ADAMTSL3: variants seen among roughly 807,000 people sequenced by gnomAD.
ADAMTSL3 encodes ADAMTS like 3, also known as ADAMTS-like protein 3.
ADAMTSL3 carries 128 observed loss-of-function variants against 201.7 expected under a neutral mutation model. That is an observed-to-expected ratio of 0.63 (90% CI 0.55 to 0.73). The LOEUF is 0.73. Ranked by LOEUF, ADAMTSL3 falls within the 30% of genes least tolerant of loss-of-function variation. The probability of loss-of-function intolerance (pLI) is 0.00; values close to 1 mark genes in which losing one functional copy is unlikely to be tolerated. For synonymous variants in ADAMTSL3, 738 were observed against 748.4 expected, an observed-to-expected ratio of 0.99 and a Z score of 0.23; for missense variants, 1,990 against 2,119.6, an observed-to-expected ratio of 0.94 and a Z score of 1.20.
At chr15:83,996,651 G>A (rs1416641582) in intron 23 of ADAMTSL3, among the ~76,000 whole-genome samples, 1 of 151,504 alleles carries the variant, frequency 6.6e-6, no homozygotes, top group Non-Finnish European at 1.5e-5. Flanking sequence ...CGTGGTGGTG[G>A]GTGCCTGTAG....
At chr15:83,721,729 TTTTG>T (rs541348641) in intron 3 of ADAMTSL3, among the ~76,000 whole-genome samples, 11 of 152,110 alleles carry the variant, frequency 7.2e-5, no homozygotes, top group Admixed American at 5.9e-4. Flanking sequence ...TATTTATGTG[TTTTG>T]TTTGTTTGTT....
At chr15:83,762,083 G>A (rs559168381) in intron 3 of ADAMTSL3, among the ~76,000 whole-genome samples, 8 of 151,024 alleles carry the variant, frequency 5.3e-5, no homozygotes, top group South Asian at 4.2e-4. Context: ...ATGGAGTCTC[G>A]CTCTATCACC....
intron 8 of ADAMTSL3, chr15:83,861,619 C>T (rs2064863460): frequency 6.6e-6 from 1 of 152,330 alleles, no homozygotes; most frequent in Non-Finnish European, 1.5e-5. Flanking sequence ...AAAACCCCAT[C>T]TGTACGTCAC....
intron 3 of ADAMTSL3, among the ~76,000 whole-genome samples, chr15:83,725,264 A>G (rs2062156672): frequency 6.6e-6 from 1 of 151,454 alleles, no homozygotes; most frequent in Admixed American, 6.6e-5. Flanking sequence ...GAGTGAGATG[A>G]TATCTCATTG....
intron 2 of ADAMTSL3, among the ~76,000 whole-genome samples, chr15:83,681,950 A>G (rs1041260686): frequency 3.3e-5 from 5 of 152,174 alleles, no homozygotes; most frequent in Admixed American, 2.0e-4. Context: ...ATTTGATCCT[A>G]CCTGTACTTG....
intron 2 of ADAMTSL3, among the ~76,000 whole-genome samples, chr15:83,684,030 G>A (rs79446674): frequency 6.6e-6 from 1 of 152,184 alleles, no homozygotes; most frequent in Non-Finnish European, 1.5e-5. Context: ...CTTCACGTTG[G>A]TATTCCAACC....
chr15:83,956,288 G>A (rs1249832860), intron 19 of ADAMTSL3, among the ~76,000 whole-genome samples: 1 of 152,200 alleles, frequency 6.6e-6, no homozygotes, highest in Non-Finnish European at 1.5e-5. Context: ...CACTGCCAGG[G>A]AATGGGGAAG....
chr15:83,678,389 T>C (rs1467269411), intron 2 of ADAMTSL3, among the ~76,000 whole-genome samples: 1 of 145,270 alleles, frequency 6.9e-6, no homozygotes, highest in Non-Finnish European at 1.5e-5. Context: ...CAGAAGGATA[T>C]TTTTGCTGGA....
intron 3 of ADAMTSL3, among the ~76,000 whole-genome samples, chr15:83,769,901 A>G (rs753946759): frequency 4.0e-5 from 6 of 151,730 alleles, no homozygotes; most frequent in Admixed American, 1.3e-4. Flanking sequence ...TTTCTTTCAT[A>G]AACTTTGCTG....
chr15:83,955,885 G>A (rs1414057710), intron 19 of ADAMTSL3, among the ~76,000 whole-genome samples: 1 of 152,096 alleles, frequency 6.6e-6, no homozygotes, highest in Non-Finnish European at 1.5e-5. Context: ...GCTTGGGGTT[G>A]AGGGAGGGGT....
intron 23 of ADAMTSL3, among the ~76,000 whole-genome samples, chr15:83,994,564 G>A (rs1290077459): frequency 4.9e-5 from 4 of 80,950 alleles, no homozygotes; most frequent in African/African-American, 1.7e-4. Flanking sequence ...TTGTTGGTTT[G>A]TTTCTGTTTT....
At position 83,773,600 on chromosome 15, in the gene ADAMTSL3, G is replaced by A. The variant is rs2063022179; in HGVS notation, c.267G>A (p.Arg89=). The A allele has an allele frequency of 6.2e-7, 1 of 1,613,398 alleles. No homozygotes were observed. Among genetic ancestry groups the A allele is most frequent in the Non-Finnish European group, 8.5e-7 (1 of 1,179,832 alleles). Residue 89 remains arginine (R), a synonymous_variant, in exon 4 of 30, where the codon CGG becomes CGA. Coordinates refer to ENST00000286744, the MANE Select transcript of ADAMTSL3 (RefSeq NM_207517.3). Reference sequence around the variant, plus strand: ...GGGGCGACTGGAGTGACTGCTCCCGGACCTGTGGGGGAGGAGCATCATATT... The same window carrying A: ...GGGGCGACTGGAGTGACTGCTCCCGAACCTGTGGGGGAGGAGCATCATATT... ...DAWGDWSDCS[R]TCGGGASYSL...
intron 22 of ADAMTSL3, 58 bp from the exon 23 acceptor site, chr15:83,991,028 T>C: frequency 1.2e-6 from 2 of 1,608,738 alleles, no homozygotes; most frequent in Non-Finnish European, 1.7e-6. Flanking sequence ...ATGCAATATG[T>C]TTTACCAAAG....
chr15:83,816,779 G>T (rs1195709145), intron 5 of ADAMTSL3, among the ~76,000 whole-genome samples: 1 of 152,206 alleles, frequency 6.6e-6, no homozygotes, highest in East Asian at 1.9e-4. Flanking sequence ...GCCAAGGCAG[G>T]CAGATTGCCT....
At chr15:83,963,859 G>C (rs2067025110) in intron 19 of ADAMTSL3, among the ~76,000 whole-genome samples, 1 of 152,178 alleles carries the variant, frequency 6.6e-6, no homozygotes, top group South Asian at 2.1e-4. Context: ...GTGATACTCA[G>C]GCAAACCAGG....
chr15:83,889,286 A>T lies in ADAMTSL3; in HGVS notation c.1073-823A>T, dbSNP rs541758434. Among the ~76,000 whole-genome samples the T allele has an allele frequency of 2.0e-5, 3 of 152,284 alleles. No individual in the cohort carries two copies. The East Asian group carries it at 5.8e-4, about 29-fold the overall frequency. On this transcript the variant is annotated intron_variant, in intron 10 of 29. Transcript: ENST00000286744. ...TTCCTTTCTGTATAGACAATGCTTA[A>T]TTCCCCATTTGGAAAGCTTATTGGT... is the stretch of plus-strand genomic sequence containing the variant.
chr15:83,887,660 G>A (rs2065422569), intron 10 of ADAMTSL3, among the ~76,000 whole-genome samples: 1 of 152,114 alleles, frequency 6.6e-6, no homozygotes, highest in Non-Finnish European at 1.5e-5. Context: ...TCACCAAGTT[G>A]CCCAGGCTAG....
intron 19 of ADAMTSL3, chr15:83,946,000 G>A (rs1217141006): frequency 6.6e-6 from 1 of 152,354 alleles, no homozygotes; most frequent in Non-Finnish European, 1.5e-5. Flanking sequence ...CCTAAAGGGA[G>A]GAGGCAAGAA....
chr15:83,901,099 C>G (rs9921007), intron 15 of ADAMTSL3, among the ~76,000 whole-genome samples: 2 of 151,962 alleles, frequency 1.3e-5, no homozygotes, highest in Non-Finnish European at 2.9e-5. Flanking sequence ...GCACATCACA[C>G]TCATGACAGG....
Sources: allele counts gnomAD v4.1 joint callset (sites outside exome capture counted in the v4.1 genomes callset), GRCh38; gene constraint gnomAD v4.1.1; transcripts MANE v1.5; gene names NCBI Gene and HGNC (gene_info 2026-07-23, HGNC 2026-07-21).